The following ROBO3 variants were observed in gnomAD, a reference collection of about 807,000 sequenced individuals.
The protein encoded by ROBO3 is roundabout guidance receptor 3.
In ROBO3, 97 loss-of-function variants were observed where a neutral mutation model predicts 160.5. The ratio of observed to expected loss-of-function variants is 0.60; its 90% confidence interval spans 0.51 to 0.72. The LOEUF (loss-of-function observed/expected upper bound fraction) is 0.72. Among genes scored for constraint, ROBO3 ranks in the 30% least tolerant of loss-of-function variants. The pLI is 0.00. For synonymous variants in ROBO3, 780 were observed against 746.2 expected (o/e 1.05, Z -0.74); for missense variants, 1,858 against 1,846.5 (o/e 1.01, Z -0.11).
rs749870057 is a variant in ROBO3, at chr11:124,872,568, G to A, written c.1330+16G>A. ...ATAAAAGGAGGTACGTGCCCATGGA[G>A]ATAGGACTGGATCCATGGCTTGGGA... On this transcript the variant is annotated intron_variant, in intron 8 of 27. Transcript: ENST00000397801. This position sits in a 1 kb window ranked among gnomAD's most constrained non-coding sequence, Gnocchi z 4.3. 1.2e-6 allele frequency: 2 copies of A among 1,605,848 alleles called. No homozygotes were observed. Among genetic ancestry groups the A allele is most frequent in the Non-Finnish European group, 1.7e-6 (2 of 1,173,554 alleles).
In ROBO3 at chr11:124,873,619, C is replaced by A. The variant is rs1946308085; in HGVS notation, c.1619-78C>A. ...ATCACCGCAGCTCAGAGCTCCATAGCTCCCCTGGTAAGGAGACAGGTTACA... is the reference window on the plus strand; with the variant it reads ...ATCACCGCAGCTCAGAGCTCCATAGATCCCCTGGTAAGGAGACAGGTTACA... On this transcript the variant is annotated intron_variant, in intron 10 of 27. Transcript: ENST00000397801. This position sits in a 1 kb window ranked among gnomAD's most constrained non-coding sequence, Gnocchi z 4.5. The A allele has an allele frequency of 1.4e-6, 2 of 1,382,500 alleles. No individual in the cohort carries two copies. Among genetic ancestry groups the A allele is most frequent in the Non-Finnish European group, 2.0e-6 (2 of 1,013,460 alleles). 85.6% of individuals were successfully genotyped at this position (1,382,500 alleles called of 1,614,324 possible).
intron 27 of ROBO3, 129 bp downstream of exon 27, chr11:124,880,737 AG>A: frequency 7.8e-7 from 1 of 1,284,790 alleles, no homozygotes; most frequent in Non-Finnish European, 1.0e-6. Context: ...CGAGAGGGTG[AG>A]GGGGAGGGAG....
rs1394963589 is a variant in ROBO3 at position 124,873,682 on chromosome 11, T to G, written c.1619-15T>G. On this transcript the variant is annotated splice_polypyrimidine_tract_variant and intron_variant, in intron 10 of 27. Coordinates refer to ENST00000397801, the MANE Select transcript of ROBO3 (RefSeq NM_022370.4). This position sits in a 1 kb window ranked among gnomAD's most constrained non-coding sequence, Gnocchi z 4.5. ...TTTCCCTATCTTTCTACTTAAAGATTATCTCCCACTGCAGAAGACTGGGGA... is the reference window on the plus strand; with the variant it reads ...TTTCCCTATCTTTCTACTTAAAGATGATCTCCCACTGCAGAAGACTGGGGA... The G allele has an allele frequency of 2.5e-6, 4 of 1,597,196 alleles. No individual in the cohort carries two copies. The African/African-American group carries it at 4.0e-5, about 16-fold the overall frequency.
chr11:124,877,071 C>G (rs374753498), intron 17 of ROBO3, 90 bp from the exon 18 acceptor site: 2 of 1,430,384 alleles, frequency 1.4e-6, no homozygotes, highest in Admixed American at 3.3e-5. Context: ...GGAACTGGGA[C>G]CGGGGCCTAG....
At position 124,874,123 on chromosome 11, in the gene ROBO3, C is replaced by T. The variant is rs200202857; in HGVS notation, c.1838C>T (p.Thr613Ile). 4.4e-4 allele frequency: 706 copies of T among 1,613,926 alleles called. 3 individuals are homozygous for T. The African/African-American group carries it at 8.1e-3, about 18-fold the overall frequency. ...RTVADGVQLE[T>I]HTVSGLQPNT... is the part of the protein sequence containing the mutation. ...GTGGCAGATGGCGTGCAGCTGGAGA[C>T]ACACACAGTCAGCGGTCTGCAGCCC... Residue 613 changes from threonine to isoleucine, a missense_variant, in exon 12 of 28, where the codon ACA becomes ATA. Coordinates refer to ENST00000397801, the MANE Select transcript of ROBO3 (RefSeq NM_022370.4).
Position 124,878,641 on chromosome 11 carries a change from C to G in ROBO3, c.3378C>G (p.Pro1126=), listed in dbSNP as rs745889490. 1 of 1,613,370 alleles carries G rather than the reference C, an allele frequency of 6.2e-7. No individual in the cohort carries two copies. The highest frequency in any genetic ancestry group is 1.7e-5 in the Admixed American group (1 of 59,936). ...PMPERSHLTE[P]SSSGGCLVTP... is the part of the protein sequence containing the mutation. ...CTGAGAGAAGTCACCTGACGGAGCC[C>G]AGCTCCAGTGGAGGGTGCCTGGTCA... is the stretch of plus-strand genomic sequence containing the variant. The change falls in exon 23 of 28, where the codon CCC becomes CCG. Residue 1126 remains proline (P), a synonymous_variant. Transcript: ENST00000397801. This position sits in a 1 kb window ranked among gnomAD's most constrained non-coding sequence, Gnocchi z 4.3.
rs1946378389 is a variant in ROBO3, at chr11:124,876,474, C to T, written c.2779+14C>T. On this transcript the variant is annotated intron_variant, in intron 17 of 27. Coordinates refer to ENST00000397801, the MANE Select transcript of ROBO3 (RefSeq NM_022370.4). This position sits in a 1 kb window ranked among gnomAD's most constrained non-coding sequence, Gnocchi z 5.3. ...GCCACTACACGGGTGAGCTCCCGGC[C>T]TCGGAGCGGACGGATCCGGGAGGGA... 2.9e-6 allele frequency: 4 copies of T among 1,373,434 alleles called. No homozygotes were observed. Among genetic ancestry groups the T allele is most frequent in the South Asian group, 1.8e-5 (1 of 56,562 alleles). The allele number at this position is 1,373,434 out of a possible 1,614,324, so 85.1% of individuals were successfully genotyped here.
At position 124,878,609 on chromosome 11, in the gene ROBO3, C is replaced by T. The variant is rs1056787210; in HGVS notation, c.3346C>T (p.Pro1116Ser). Residue 1116 changes from proline (P) to serine (S), a missense_variant, in exon 23 of 28, where the codon CCA becomes TCA. Coordinates refer to ENST00000397801, the MANE Select transcript of ROBO3 (RefSeq NM_022370.4). This position sits in a 1 kb window ranked among gnomAD's most constrained non-coding sequence, Gnocchi z 4.3. Reference protein sequence around the residue: ...GSSEPEEWCPPMPERSHLTEP... With the variant: ...GSSEPEEWCPSMPERSHLTEP... ...CTCAGAGCCAGAGGAGTGGTGCCCG[C>T]CAATGCCTGAGAGAAGTCACCTGAC... The T allele has an allele frequency of 6.2e-7, 1 of 1,612,378 alleles. No homozygotes were observed.
chr11:124,878,659 C>A lies in ROBO3; in HGVS notation c.3396C>A (p.Cys1132Ter). Residue 1132 changes from cysteine to a stop codon, truncating the protein, a stop_gained, in exon 23 of 28, where the codon TGC becomes TGA. Transcript: ENST00000397801. LOFTEE classifies it high-confidence loss of function. This position sits in a 1 kb window ranked among gnomAD's most constrained non-coding sequence, Gnocchi z 4.3. ...CGGAGCCCAGCTCCAGTGGAGGGTG[C>A]CTGGTCACCCCATCCCGAAGGGAAA... ...HLTEPSSSGG[C>*]LVTPSRRETP... The A allele has an allele frequency of 6.2e-7, 1 of 1,613,294 alleles. No homozygotes were observed. The highest frequency in any genetic ancestry group is 8.5e-7 in the Non-Finnish European group (1 of 1,179,540).
Position 124,875,097 on chromosome 11 carries a change from C to T in ROBO3, c.2074-14C>T, listed in dbSNP as rs779305774. The T allele has an allele frequency of 6.3e-7, 1 of 1,585,822 alleles. No individual in the cohort carries two copies. The highest frequency in any genetic ancestry group is 8.6e-7 in the Non-Finnish European group (1 of 1,166,496). On this transcript the variant is annotated splice_polypyrimidine_tract_variant and intron_variant, in intron 13 of 27. Transcript: ENST00000397801. ...AGCCTCCCCTTCTGGTGTGCCTTGT[C>T]CTGTCTCCCACAGGTGGATGGCCCA...
At position 124,869,033 on chromosome 11, in the gene ROBO3, G is replaced by A; in HGVS notation, c.392G>A (p.Gly131Glu). ...CTCTTCTTCCCGCGCATCGTGCACG[G>A]GCGCCGCGCGCGGCCGGACGAAGGT... ...GALFFPRIVH[G>E]RRARPDEGVY... Residue 131 changes from glycine to glutamate, a missense_variant, in exon 2 of 28, where the codon GGG (glycine) becomes GAG (glutamate). Transcript: ENST00000397801. The surrounding 1 kb of genome is among the most constrained non-coding windows in gnomAD (Gnocchi z 4.2). The A allele has an allele frequency of 6.2e-7, 1 of 1,602,294 alleles. No homozygotes were observed. Among genetic ancestry groups the A allele is most frequent in the South Asian group, 1.1e-5 (1 of 89,218 alleles).
chr11:124,878,659 C>T lies in ROBO3; in HGVS notation c.3396C>T (p.Cys1132=), dbSNP rs776933278. Residue 1132 remains cysteine (C), a synonymous_variant, in exon 23 of 28, where the codon TGC becomes TGT. Transcript: ENST00000397801. The surrounding 1 kb of genome is among the most constrained non-coding windows in gnomAD (Gnocchi z 4.3). ...HLTEPSSSGG[C]LVTPSRRETP... ...CGGAGCCCAGCTCCAGTGGAGGGTG[C>T]CTGGTCACCCCATCCCGAAGGGAAA... 3 of 1,613,176 alleles carry T rather than the reference C, an allele frequency of 1.9e-6. No individual in the cohort carries two copies. Among genetic ancestry groups the T allele is most frequent in the African/African-American group, 1.3e-5 (1 of 74,912 alleles).
At chr11:124,880,980 G>A (rs1006323891) in intron 27 of ROBO3, among the ~76,000 whole-genome samples, 3 of 152,146 alleles carry the variant, frequency 2.0e-5, no homozygotes, top group African/African-American at 7.2e-5. Context: ...CTTGAGCCTG[G>A]GAGGTCAAGG....
At position 124,872,370 on chromosome 11, in the gene ROBO3, T is replaced by C. The variant is rs1204057065; in HGVS notation, c.1159-11T>C. The C allele has an allele frequency of 8.1e-6, 13 of 1,613,732 alleles. 1 individual carries two copies. The South Asian group carries it at 1.1e-4, about 14-fold the overall frequency. ...CTCATTCCCTACCCTGGTTCCTTGC[T>C]CTGTCCCCAGGTCCTGCTTTTCCCC... is the stretch of plus-strand genomic sequence containing the variant. On this transcript the variant is annotated splice_polypyrimidine_tract_variant and intron_variant, in intron 7 of 27. Transcript: ENST00000397801. This position sits in a 1 kb window ranked among gnomAD's most constrained non-coding sequence, Gnocchi z 4.3.
rs754845139 is a variant in ROBO3, at chr11:124,876,046, TCTC to T, written c.2518_2520del (p.Leu840del). On this transcript the variant is annotated inframe_deletion, in exon 16 of 28. Transcript: ENST00000397801. The surrounding 1 kb of genome is among the most constrained non-coding windows in gnomAD (Gnocchi z 5.3). ...CAATGCTCCGAGGACTGGTGCCCGG[TCTC>T]CTCTATCGAACCCTGGTCGCGGCGG... 2.5e-6 allele frequency: 4 copies of T among 1,608,830 alleles called. No individual in the cohort carries two copies. In the East Asian group the frequency reaches 9.0e-5, roughly 36 times the overall value.
Position 124,873,151 on chromosome 11 carries a change from CAAGT to C in ROBO3, c.1536+68_1536+71del, listed in dbSNP as rs1946302157. On this transcript the variant is annotated intron_variant, in intron 9 of 27. Coordinates refer to ENST00000397801, the MANE Select transcript of ROBO3 (RefSeq NM_022370.4). The surrounding 1 kb of genome is among the most constrained non-coding windows in gnomAD (Gnocchi z 4.5). Reference sequence around the variant, plus strand: ...GGCTATCTGCTCCACGTTCCTTACACAAGTAAGTACTCACTGGGCCTGTAGCCCC... The same window carrying C: ...GGCTATCTGCTCCACGTTCCTTACACAAGTACTCACTGGGCCTGTAGCCCC... 3 of 1,525,464 alleles carry C rather than the reference CAAGT, an allele frequency of 2.0e-6. No homozygotes were observed. In the East Asian group the frequency reaches 6.8e-5, roughly 34 times the overall value. 94.5% of individuals were successfully genotyped at this position (1,525,464 alleles called of 1,614,324 possible). A position where few individuals can be genotyped will look rare whatever the true frequency, so the allele number is the denominator to read the frequency against.
chr11:124,880,747 AG>A, intron 27 of ROBO3, 139 bp downstream of exon 27: 1 of 1,248,528 alleles, frequency 8.0e-7, no homozygotes. Flanking sequence ...AGGGGGAGGG[AG>A]GAATCCTGTA....
At position 124,869,636 on chromosome 11, in the gene ROBO3, C is replaced by T. The variant is rs1380143045; in HGVS notation, c.645+29C>T. On this transcript the variant is annotated intron_variant, in intron 3 of 27. Coordinates refer to ENST00000397801, the MANE Select transcript of ROBO3 (RefSeq NM_022370.4). This position sits in a 1 kb window ranked among gnomAD's most constrained non-coding sequence, Gnocchi z 4.2. ...AGGGCGGGATTATGATTGGAGACCC[C>T]AACAAGGGAGGGGACATAGGGTAGG... The T allele has an allele frequency of 1.3e-6, 2 of 1,536,916 alleles. No homozygotes were observed. Among genetic ancestry groups the T allele is most frequent in the South Asian group, 1.3e-5 (1 of 78,882 alleles).
In ROBO3 at chr11:124,879,329, A is replaced by G. The variant is rs1946496341; in HGVS notation, c.3673A>G (p.Ser1225Gly). Residue 1225 changes from serine (S) to glycine (G), a missense_variant, in exon 24 of 28, where the codon AGC becomes GGC. Coordinates refer to ENST00000397801, the MANE Select transcript of ROBO3 (RefSeq NM_022370.4). ...CCCCAGTCCTGCCCCTAGCACAGCCAGCAGTGCCCCAGGTAAGTCTCTACA... is the reference window on the plus strand; with the variant it reads ...CCCCAGTCCTGCCCCTAGCACAGCCGGCAGTGCCCCAGGTAAGTCTCTACA... ...LSPSPAPSTA[S>G]SAPGRTWQGN... is the part of the protein sequence containing the mutation. The G allele has an allele frequency of 2.5e-6, 4 of 1,609,020 alleles. No individual in the cohort carries two copies. The highest frequency in any genetic ancestry group is 1.3e-5 in the African/African-American group (1 of 74,806).
Sources: allele counts gnomAD v4.1 joint callset (sites outside exome capture counted in the v4.1 genomes callset), GRCh38; gene constraint gnomAD v4.1.1; non-coding constraint Gnocchi (gnomAD v3.1); transcripts MANE v1.5; gene names NCBI Gene and HGNC (gene_info 2026-07-23, HGNC 2026-07-21).